The following GALNTL6 variants were observed in gnomAD, a reference collection of about 807,000 sequenced individuals.
GALNTL6 encodes polypeptide N-acetylgalactosaminyltransferase-like 6.
GALNTL6 carries 46 observed loss-of-function variants against 73.7 expected under a neutral mutation model. The observed-to-expected ratio is 0.62, with a 90% CI of 0.49 to 0.80. The LOEUF (loss-of-function observed/expected upper bound fraction) is 0.80. Ranked by LOEUF, GALNTL6 falls within the 30% of genes least tolerant of loss-of-function variation. The pLI, the probability that GALNTL6 is intolerant of heterozygous loss-of-function variation, is 0.00. For synonymous variants in GALNTL6, 259 were observed against 263.7 expected, an observed-to-expected ratio of 0.98 and a Z score of 0.17; for missense variants, 604 against 755.0, an observed-to-expected ratio of 0.80 and a Z score of 2.34.
intron 5 of GALNTL6, among the ~76,000 whole-genome samples, chr4:172,565,523 A>G (rs1292280990): frequency 6.6e-6 from 1 of 151,996 alleles, no homozygotes; most frequent in Non-Finnish European, 1.5e-5. Flanking sequence ...TGTTGAGGAT[A>G]TTTGCATCTA....
chr4:171,816,269 G>A (rs972413986), intron 2 of GALNTL6: 3 of 151,808 alleles, frequency 2.0e-5, no homozygotes, highest in Admixed American at 6.6e-5. Flanking sequence ...CTAACATAAA[G>A]CGCTAATTAA....
intron 2 of GALNTL6, among the ~76,000 whole-genome samples, chr4:171,916,102 G>A (rs949217167): frequency 6.6e-6 from 1 of 152,014 alleles, no homozygotes; most frequent in Admixed American, 6.6e-5. Context: ...CTACGTTTGA[G>A]ATATCATTCT....
intron 5 of GALNTL6, among the ~76,000 whole-genome samples, chr4:172,378,221 G>A (rs79782141): frequency 0.098 from 14,911 of 152,168 alleles, 813 homozygotes; most frequent in East Asian, 0.18. Context: ...TCCTTGTTGC[G>A]TGTGAAAGCA....
At chr4:172,727,775 T>G (rs1735905539) in intron 5 of GALNTL6, among the ~76,000 whole-genome samples, 1 of 152,036 alleles carries the variant, frequency 6.6e-6, no homozygotes, top group East Asian at 1.9e-4. Flanking sequence ...AGAAAACTCT[T>G]AATTCTAGCA....
At chr4:172,707,532 A>G (rs954858487) in intron 5 of GALNTL6, among the ~76,000 whole-genome samples, 3 of 152,206 alleles carry the variant, frequency 2.0e-5, no homozygotes, top group Non-Finnish European at 4.4e-5. Flanking sequence ...TATTGCTTAA[A>G]TTCATTTTCA....
intron 2 of GALNTL6, among the ~76,000 whole-genome samples, chr4:172,066,010 G>A (rs1360334097): frequency 6.6e-6 from 1 of 152,108 alleles, no homozygotes; most frequent in Non-Finnish European, 1.5e-5. Context: ...GGGACACAGA[G>A]CCAAACAACA....
chr4:172,682,241 A>G (rs1180312504), intron 5 of GALNTL6, among the ~76,000 whole-genome samples: 2 of 152,192 alleles, frequency 1.3e-5, no homozygotes, highest in African/African-American at 2.4e-5. Flanking sequence ...GATAATTAAA[A>G]AAAAGAATTC....
chr4:173,001,806 C>A (rs976170151), intron 10 of GALNTL6, among the ~76,000 whole-genome samples: 2 of 152,046 alleles, frequency 1.3e-5, no homozygotes, highest in African/African-American at 4.8e-5. Context: ...AAATCAAAAC[C>A]ACAATGAAAT....
At chr4:171,849,120 G>T (rs1165926363) in intron 2 of GALNTL6, among the ~76,000 whole-genome samples, 3 of 152,130 alleles carry the variant, frequency 2.0e-5, no homozygotes, top group African/African-American at 7.2e-5. Context: ...GTGGCTTTCA[G>T]CATGCCTTCT....
chr4:172,614,035 A>G (rs1738625716), intron 5 of GALNTL6, among the ~76,000 whole-genome samples: 1 of 152,118 alleles, frequency 6.6e-6, no homozygotes, highest in South Asian at 2.1e-4. Flanking sequence ...TAGATGGCCT[A>G]TCTCTTCTAA....
At chr4:172,930,005 G>A (rs895000993) in intron 8 of GALNTL6, among the ~76,000 whole-genome samples, 15 of 152,162 alleles carry the variant, frequency 9.9e-5, no homozygotes, top group Middle Eastern at 3.4e-3. Context: ...GGCCAGGTGC[G>A]GTGGCTCACG....
intron 2 of GALNTL6, among the ~76,000 whole-genome samples, chr4:171,890,373 T>C (rs1273301107): frequency 6.6e-6 from 1 of 152,172 alleles, no homozygotes; most frequent in East Asian, 1.9e-4. Context: ...AGGATATTTG[T>C]GATAGTCAAC....
chr4:172,532,058 T>G (rs1393056714), intron 5 of GALNTL6, among the ~76,000 whole-genome samples: 1 of 152,140 alleles, frequency 6.6e-6, no homozygotes, highest in Non-Finnish European at 1.5e-5. Flanking sequence ...GTGGGTAGAT[T>G]CCCTTGGAGC....
In GALNTL6 at chr4:172,230,259, T is replaced by C. The variant is rs142904348; in HGVS notation, c.247+495T>C. 5.3e-3 allele frequency among the ~76,000 whole-genome samples: 807 copies of C among 152,228 alleles called. 1 individual carries two copies. Among genetic ancestry groups the C allele is most frequent in the South Asian group, 0.032 (155 of 4,822 alleles). On this transcript the variant is annotated intron_variant, in intron 3 of 12. Coordinates refer to ENST00000506823, the MANE Select transcript of GALNTL6 (RefSeq NM_001034845.3). ...AAAGCAATCAGGCAGTTAAACGGAA[T>C]CAAGTAGGTCTGTGTGTAGCAGAGT...
intron 2 of GALNTL6, among the ~76,000 whole-genome samples, chr4:171,867,909 A>T (rs1373830370): frequency 6.6e-6 from 1 of 150,972 alleles, no homozygotes; most frequent in African/African-American, 2.4e-5. Flanking sequence ...CAGGGTCTTC[A>T]TTTTTGCTCT....
intron 5 of GALNTL6, among the ~76,000 whole-genome samples, chr4:172,614,600 G>T (rs1158765656): frequency 6.6e-6 from 1 of 152,130 alleles, no homozygotes; most frequent in Non-Finnish European, 1.5e-5. Flanking sequence ...AGGATAATTT[G>T]ATGATAACTT....
At chr4:172,195,791 G>A (rs949856727) in intron 2 of GALNTL6, among the ~76,000 whole-genome samples, 6 of 152,124 alleles carry the variant, frequency 3.9e-5, no homozygotes, top group Admixed American at 2.0e-4. Flanking sequence ...CTAAAGCAGT[G>A]TTAAGAGGAA....
chr4:172,200,767 T>A (rs978629513), intron 2 of GALNTL6, among the ~76,000 whole-genome samples: 2 of 152,226 alleles, frequency 1.3e-5, no homozygotes, highest in Non-Finnish European at 2.9e-5. Flanking sequence ...TTTTGTTTTT[T>A]GGTTAGAGGA....
intron 3 of GALNTL6, among the ~76,000 whole-genome samples, chr4:172,275,897 C>T (rs1738813246): frequency 6.6e-6 from 1 of 152,170 alleles, no homozygotes; most frequent in African/African-American, 2.4e-5. Flanking sequence ...GCAGAGGTTG[C>T]AGTGAGCCAA....
Sources: allele counts gnomAD v4.1 joint callset (sites outside exome capture counted in the v4.1 genomes callset), GRCh38; gene constraint gnomAD v4.1.1; transcripts MANE v1.5; gene names NCBI Gene and HGNC (gene_info 2026-07-23, HGNC 2026-07-21).